The following GRID1 variants were observed in gnomAD, a reference collection of about 807,000 sequenced individuals.
GRID1 encodes the protein glutamate receptor ionotropic, delta-1.
Under a neutral mutation model 98.0 loss-of-function variants are expected in GRID1, and 28 were observed. That is an observed-to-expected ratio of 0.29 (90% CI 0.21 to 0.39). The LOEUF (loss-of-function observed/expected upper bound fraction) is 0.39. Ranked by LOEUF, GRID1 falls within the 10% of genes least tolerant of loss-of-function variation. GRID1 has a pLI of 1.00. For synonymous variants in GRID1, 553 were observed against 538.5 expected (o/e 1.03, Z -0.37); for missense variants, 1,111 against 1,340.5 (o/e 0.83, Z 2.67).
intron 8 of GRID1, among the ~76,000 whole-genome samples, chr10:85,748,090 G>A (rs1484459324): frequency 6.6e-6 from 1 of 152,118 alleles, no homozygotes; most frequent in African/African-American, 2.4e-5. Flanking sequence ...CCTGCCCACC[G>A]TGACTGTGTA....
intron 2 of GRID1, among the ~76,000 whole-genome samples, chr10:86,233,546 G>T (rs1397798732): frequency 6.6e-6 from 1 of 152,148 alleles, no homozygotes; most frequent in Admixed American, 6.5e-5. Flanking sequence ...TGCCGGAGGG[G>T]ATGGCCCACT....
rs552953340 is a variant in GRID1 at position 86,106,316 on chromosome 10, G to T, written c.726+32503C>A. Among the ~76,000 whole-genome samples the T allele has an allele frequency of 3.3e-5, 5 of 152,308 alleles. No individual in the cohort carries two copies. The East Asian group carries it at 7.7e-4, about 24-fold the overall frequency. ...TCTCAATGCAATCACTAAAAATGAC[G>T]ATTAGAAAGGCTTTGCAACCACACA... On this transcript the variant is annotated intron_variant, in intron 4 of 15. Coordinates refer to ENST00000327946, the MANE Select transcript of GRID1 (RefSeq NM_017551.3).
At chr10:86,336,816 G>A (rs556210713) in intron 2 of GRID1, among the ~76,000 whole-genome samples, 183 of 149,894 alleles carry the variant, frequency 1.2e-3, no homozygotes, top group African/African-American at 4.3e-3. Flanking sequence ...TTTCCAGAAA[G>A]ACCCTGAGCC....
intron 8 of GRID1, among the ~76,000 whole-genome samples, chr10:85,799,242 T>A (rs767473800): frequency 2.0e-5 from 3 of 152,154 alleles, no homozygotes; most frequent in African/African-American, 7.2e-5. Context: ...TGGTTACTAT[T>A]GCTTTGGGGT....
chr10:86,105,048 T>C (rs1284283925), intron 4 of GRID1, among the ~76,000 whole-genome samples: 2 of 152,198 alleles, frequency 1.3e-5, no homozygotes, highest in African/African-American at 2.4e-5. Flanking sequence ...CATAGTCACA[T>C]AATTACACAC....
chr10:85,761,358 G>A (rs1447416218), intron 8 of GRID1, among the ~76,000 whole-genome samples: 1 of 152,182 alleles, frequency 6.6e-6, no homozygotes, highest in African/African-American at 2.4e-5. Flanking sequence ...GTGTAGAGAG[G>A]AGAAATTGAC....
chr10:85,876,200 G>A (rs1843329654), intron 5 of GRID1, among the ~76,000 whole-genome samples: 1 of 151,828 alleles, frequency 6.6e-6, no homozygotes, highest in African/African-American at 2.4e-5. Context: ...CATATTTCTG[G>A]AGACCATAAG....
intron 2 of GRID1, among the ~76,000 whole-genome samples, chr10:86,322,131 G>C (rs1847978981): frequency 6.6e-6 from 1 of 152,068 alleles, no homozygotes; most frequent in African/African-American, 2.4e-5. Flanking sequence ...AGTTTAAAAA[G>C]GGGCTGAATA....
At chr10:86,219,940 A>G (rs1396969019) in intron 2 of GRID1, among the ~76,000 whole-genome samples, 1 of 152,174 alleles carries the variant, frequency 6.6e-6, no homozygotes, top group African/African-American at 2.4e-5. Context: ...CACGAAGCCC[A>G]GGCCCCAGCC....
intron 2 of GRID1, among the ~76,000 whole-genome samples, chr10:86,262,287 G>C (rs1847028027): frequency 6.6e-6 from 1 of 152,186 alleles, no homozygotes; most frequent in Non-Finnish European, 1.5e-5. Flanking sequence ...TTTAAGTTTG[G>C]CCCAGAGCAA....
chr10:85,857,508 C>A (rs1183083994), intron 6 of GRID1, among the ~76,000 whole-genome samples: 1 of 152,024 alleles, frequency 6.6e-6, no homozygotes, highest in Non-Finnish European at 1.5e-5. Context: ...TTCACACCAC[C>A]CCAGCCCTCC....
In GRID1 at chr10:85,602,465, C is replaced by T. The variant is rs202242609; in HGVS notation, c.2838G>A (p.Gly946=). Residue 946 remains glycine (G), a synonymous_variant, in exon 16 of 16, where the codon GGG becomes GGA. Coordinates refer to ENST00000327946, the MANE Select transcript of GRID1 (RefSeq NM_017551.3). ...GCGGCAGCGGCAGGTTGCTGCTGGGCCCTGATGAGAGTGTCCGGCTGGTGC... is the reference window on the plus strand; with the variant it reads ...GCGGCAGCGGCAGGTTGCTGCTGGGTCCTGATGAGAGTGTCCGGCTGGTGC... ...SHGTSRTLSS[G]PSSNLPLPLS... is the part of the protein sequence containing the mutation. 1.9e-6 allele frequency: 3 copies of T among 1,614,108 alleles called. No individual in the cohort carries two copies. The highest frequency in any genetic ancestry group is 2.2e-5 in the East Asian group (1 of 44,866).
intron 2 of GRID1, among the ~76,000 whole-genome samples, chr10:86,237,784 C>T (rs900836071): frequency 6.6e-6 from 1 of 152,076 alleles, no homozygotes; most frequent in African/African-American, 2.4e-5. Flanking sequence ...GCTTCCCCTT[C>T]GCCTTCCACC....
At chr10:85,977,709 C>G (rs2001416) in intron 4 of GRID1, among the ~76,000 whole-genome samples, 18,599 of 152,196 alleles carry the variant, frequency 0.12, 1,290 homozygotes, top group Admixed American at 0.22. Flanking sequence ...CCTTACTGCC[C>G]TGGATTAGAT....
At chr10:86,297,416 A>G (rs1847609495) in intron 2 of GRID1, among the ~76,000 whole-genome samples, 1 of 152,214 alleles carries the variant, frequency 6.6e-6, no homozygotes, top group Admixed American at 6.5e-5. Flanking sequence ...GTTTTGAGGA[A>G]AAGTAATTAG....
intron 4 of GRID1, among the ~76,000 whole-genome samples, chr10:85,954,884 A>C (rs1444009158): frequency 1.3e-5 from 2 of 152,244 alleles, no homozygotes; most frequent in Non-Finnish European, 2.9e-5. Context: ...TGTGAAATTT[A>C]AATGAGATCA....
At chr10:86,160,697 C>T (rs1456656840) in intron 3 of GRID1, among the ~76,000 whole-genome samples, 5 of 152,230 alleles carry the variant, frequency 3.3e-5, no homozygotes, top group Admixed American at 2.6e-4. Context: ...TGCCAGGAAC[C>T]ATGTGCTCCC....
intron 3 of GRID1, among the ~76,000 whole-genome samples, chr10:86,193,156 T>A (rs1845829084): frequency 6.6e-6 from 1 of 152,074 alleles, no homozygotes. Flanking sequence ...CGCACTCACC[T>A]GTAGCTCAGG....
chr10:86,193,914 G>A (rs576641743), intron 3 of GRID1, among the ~76,000 whole-genome samples: 11 of 151,918 alleles, frequency 7.2e-5, no homozygotes, highest in East Asian at 1.9e-4. Context: ...TCCTCAAATC[G>A]CTTCTCACAA....
Sources: gnomAD v4.1 joint callset for allele counts (sites outside exome capture counted in the v4.1 genomes callset) on GRCh38, gnomAD v4.1.1 for gene constraint, MANE v1.5 for transcripts, NCBI Gene and HGNC (gene_info 2026-07-23, HGNC 2026-07-21) for gene names.